Variants in ZHX3 observed in about 807,000 individuals in gnomAD.
ZHX3 encodes zinc fingers and homeoboxes 3.
In ZHX3, 20 loss-of-function variants were observed where a neutral mutation model predicts 64.5. The observed-to-expected ratio is 0.31, with a 90% confidence interval of 0.22 to 0.45. ZHX3 has a LOEUF of 0.45. ZHX3 is among the 20% of genes least tolerant of loss of function. The pLI is 1.00. For missense variants in ZHX3, 1,041 were observed against 1,195.8 expected, an observed-to-expected ratio of 0.87 and a Z score of 1.91; for synonymous variants, 423 against 461.6, an observed-to-expected ratio of 0.92 and a Z score of 1.07.
At chr20:41,208,707 T>C (rs2038923985) in intron 2 of ZHX3, among the ~76,000 whole-genome samples, 1 of 152,124 alleles carries the variant, frequency 6.6e-6, no homozygotes, top group Non-Finnish European at 1.5e-5. Context: ...TAATAAGAGC[T>C]ATTTATGACA....
At chr20:41,256,973 CTA>C (rs376345322) in intron 2 of ZHX3, among the ~76,000 whole-genome samples, 19 of 152,222 alleles carry the variant, frequency 1.2e-4, no homozygotes, top group African/African-American at 4.6e-4. Context: ...TTACTCCACT[CTA>C]TATGTCCATC....
At chr20:41,218,713 T>A (rs1022619126) in intron 2 of ZHX3, among the ~76,000 whole-genome samples, 1 of 152,178 alleles carries the variant, frequency 6.6e-6, no homozygotes, top group African/African-American at 2.4e-5. Context: ...ATGTGCTGGT[T>A]GCAATTGTCA....
intron 1 of ZHX3, among the ~76,000 whole-genome samples, chr20:41,301,979 G>C (rs926817495): frequency 6.8e-6 from 1 of 148,078 alleles, no homozygotes; most frequent in Admixed American, 6.7e-5. Context: ...GCGTGAACCC[G>C]GGAGGCGGAG....
chr20:41,193,743 T>C (rs1457723273), intron 3 of ZHX3, among the ~76,000 whole-genome samples: 1 of 151,494 alleles, frequency 6.6e-6, no homozygotes, highest in Non-Finnish European at 1.5e-5. Flanking sequence ...AGTCTCGCTC[T>C]GTCACCAGGC....
rs1387098693 is a variant in ZHX3, at chr20:41,183,203, T to C, written c.*1988A>G. On this transcript the variant is annotated 3_prime_UTR_variant, in exon 4 of 4. Coordinates refer to ENST00000683867, the MANE Select transcript of ZHX3 (RefSeq NM_001384317.1). The surrounding 1 kb of genome is among the most constrained non-coding windows in gnomAD (Gnocchi z 5.3). ...TGTGTGTATATATATATATATAAAT[T>C]AATCTGCACGTATATAAACACTAAA... 6.7e-6 allele frequency: 1 copy of C among 149,492 alleles called. No individual in the cohort carries two copies. The highest frequency in any genetic ancestry group is 2.5e-5 in the African/African-American group (1 of 40,754). The allele number at this position is 149,492 out of a possible 1,614,324, so 9.3% of individuals were successfully genotyped here.
intron 2 of ZHX3, among the ~76,000 whole-genome samples, chr20:41,251,391 C>A (rs913832001): frequency 1.3e-5 from 2 of 152,098 alleles, no homozygotes; most frequent in Non-Finnish European, 2.9e-5. Context: ...TACAGTAAGT[C>A]ACATAGGTAT....
chr20:41,196,253 C>G (rs2037476231), intron 3 of ZHX3, among the ~76,000 whole-genome samples: 1 of 126,260 alleles, frequency 7.9e-6, no homozygotes, highest in South Asian at 2.4e-4. Context: ...TGTTTTGGAG[C>G]TCTGTTAGGG....
intron 1 of ZHX3, among the ~76,000 whole-genome samples, chr20:41,301,205 C>T (rs1217384357): frequency 1.3e-5 from 2 of 151,770 alleles, no homozygotes; most frequent in East Asian, 1.9e-4. Flanking sequence ...AAGCTCCAGA[C>T]TTTCATCTCC....
intron 1 of ZHX3, among the ~76,000 whole-genome samples, chr20:41,287,083 C>A (rs908141362): frequency 9.9e-5 from 15 of 152,160 alleles, no homozygotes; most frequent in South Asian, 2.1e-4. Flanking sequence ...GACTAATACA[C>A]GTGAACTCTG....
At position 41,219,706 on chromosome 20, in the gene ZHX3, T is replaced by C. The variant is rs2039808305; in HGVS notation, c.-150-14640A>G. 6.6e-6 allele frequency among the ~76,000 whole-genome samples: 1 copy of C among 152,270 alleles called. No individual in the cohort carries two copies. Among genetic ancestry groups the C allele is most frequent in the African/African-American group, 2.4e-5 (1 of 41,480 alleles). On this transcript the variant is annotated intron_variant, in intron 2 of 3. Transcript: ENST00000683867. This position sits in a 1 kb window ranked among gnomAD's most constrained non-coding sequence, Gnocchi z 5.0. ...AGAAGCTAACAGTCTGTTGTGGTTA[T>C]TAAGCTATCCACCAGGGCTCTGGGC...
chr20:41,265,948 G>A (rs530293952), intron 2 of ZHX3, among the ~76,000 whole-genome samples: 1 of 152,300 alleles, frequency 6.6e-6, no homozygotes, highest in South Asian at 2.1e-4. Flanking sequence ...CAGAACCAGT[G>A]GAGGGGGACA....
intron 1 of ZHX3, chr20:41,300,160 A>C (rs1450134883): frequency 1.3e-5 from 2 of 152,334 alleles, no homozygotes; most frequent in South Asian, 4.1e-4. Context: ...TGTCAAACCC[A>C]GAACTGTGGA....
At chr20:41,245,660 T>TC (rs1431446274) in intron 2 of ZHX3, among the ~76,000 whole-genome samples, 1 of 152,344 alleles carries the variant, frequency 6.6e-6, no homozygotes, top group East Asian at 1.9e-4. Flanking sequence ...GTCTTTCTTT[T>TC]CCTGTGCTAT....
At chr20:41,275,641 A>T (rs979829866) in intron 1 of ZHX3, among the ~76,000 whole-genome samples, 1 of 152,124 alleles carries the variant, frequency 6.6e-6, no homozygotes, top group Non-Finnish European at 1.5e-5. Flanking sequence ...TAGGAGACTC[A>T]CTCTCATGGC....
intron 2 of ZHX3, among the ~76,000 whole-genome samples, chr20:41,220,741 T>C (rs917742978): frequency 3.3e-5 from 5 of 152,140 alleles, no homozygotes; most frequent in Non-Finnish European, 5.9e-5. Context: ...TCACCCAGGC[T>C]GGAGTGCAGT....
intron 1 of ZHX3, among the ~76,000 whole-genome samples, chr20:41,287,177 C>T (rs1271658738): frequency 1.3e-5 from 2 of 152,060 alleles, no homozygotes; most frequent in African/African-American, 2.4e-5. Context: ...AATCATTTAT[C>T]CCAGGAATCC....
chr20:41,308,055 A>T (rs1232100608), intron 1 of ZHX3, among the ~76,000 whole-genome samples: 1 of 152,214 alleles, frequency 6.6e-6, no homozygotes, highest in Non-Finnish European at 1.5e-5. Flanking sequence ...AGAGCCTGCA[A>T]GGGTTCCTGA....
chr20:41,233,870 T>C (rs1413178465), intron 2 of ZHX3, among the ~76,000 whole-genome samples: 1 of 152,198 alleles, frequency 6.6e-6, no homozygotes, highest in Non-Finnish European at 1.5e-5. Context: ...ATGTCACCTT[T>C]TGAAGAATGG....
intron 2 of ZHX3, among the ~76,000 whole-genome samples, chr20:41,259,004 A>G (rs185274772): frequency 7.9e-5 from 12 of 152,326 alleles, no homozygotes; most frequent in Admixed American, 7.2e-4. Flanking sequence ...TTATTAAAAA[A>G]AAACCACATT....
Sources: allele counts gnomAD v4.1 joint callset (sites outside exome capture counted in the v4.1 genomes callset), GRCh38; gene constraint gnomAD v4.1.1; non-coding constraint Gnocchi (gnomAD v3.1); transcripts MANE v1.5; gene names NCBI Gene and HGNC (gene_info 2026-07-23, HGNC 2026-07-21).